OBSL1: variants seen among roughly 807,000 people sequenced by gnomAD.
OBSL1 encodes the protein obscurin like cytoskeletal adaptor 1.
A neutral mutation model predicts 172.0 loss-of-function variants in OBSL1; 160 were observed. The ratio of observed to expected loss-of-function variants is 0.93; its 90% confidence interval spans 0.82 to 1.06. The LOEUF is 1.06. OBSL1 is among the 50% of genes least tolerant of loss of function. The pLI is 0.00. For missense variants in OBSL1, 2,681 were observed against 2,715.4 expected (o/e 0.99, Z 0.28); for synonymous variants, 1,200 against 1,196.3 (o/e 1.00, Z -0.06).
At chr2:219,554,435 C>T in intron 15 of OBSL1, 39 bp downstream of exon 15, 1 of 1,605,026 alleles carries the variant, frequency 6.2e-7, no homozygotes, top group Non-Finnish European at 8.5e-7. Flanking sequence ...AGTAGGGCCA[C>T]ACAGGTCAGC....
Position 219,557,591 on chromosome 2 carries a change from T to G in OBSL1, c.3818A>C (p.Glu1273Ala). Residue 1273 changes from glutamate to alanine, a missense_variant, in exon 12 of 21, where the codon GAG (glutamate) becomes GCG (alanine). Physicochemically the swap from Glu to Ala is moderately radical, Grantham distance 107. Coordinates refer to ENST00000404537, the MANE Select transcript of OBSL1 (RefSeq NM_015311.3). Reference protein sequence around the residue: ...AEPPVRVVAPEAAQTRVRSTP... With the variant: ...AEPPVRVVAPAAAQTRVRSTP... ...GCTCCGAACCCTCGTCTGGGCTGCC[T>G]CGGGAGCTACCACCCGCACAGGGGG... 6.5e-7 allele frequency: 1 copy of G among 1,545,806 alleles called. No homozygotes were observed. Among genetic ancestry groups the G allele is most frequent in the Non-Finnish European group, 8.7e-7 (1 of 1,143,520 alleles).
chr2:219,559,460 C>G lies in OBSL1; in HGVS notation c.2991G>C (p.Val997=). Residue 997 remains valine, a synonymous_variant, in exon 9 of 21, where the codon GTG becomes GTC. Coordinates refer to ENST00000404537, the MANE Select transcript of OBSL1 (RefSeq NM_015311.3). The part of the protein sequence containing the change: ...PVRIIYPRDE[V]TLIAVTLECV... ...ACTCCAAGGTCACGGCGATCAAGGT[C>G]ACCTCATCGCGAGGGTATATGATCC... 1.2e-6 allele frequency: 2 copies of G among 1,613,862 alleles called. No individual in the cohort carries two copies. Among genetic ancestry groups the G allele is most frequent in the Non-Finnish European group, 1.7e-6 (2 of 1,179,828 alleles).
In OBSL1 at chr2:219,568,203, C is replaced by G. The variant is rs755982464; in HGVS notation, c.1134G>C (p.Gln378His). ...CGTACTTGCGGCAGGGCAGCAGCCGCTGGTCCTCACGGAACCAGGCCGTGG... is the reference window on the plus strand; with the variant it reads ...CGTACTTGCGGCAGGGCAGCAGCCGGTGGTCCTCACGGAACCAGGCCGTGG... ...RIPTAWFRED[Q>H]RLLPCRKYEQ... The change falls in exon 2 of 21, where the codon CAG becomes CAC. Residue 378 changes from glutamine (Q) to histidine (H), a missense_variant. Coordinates refer to ENST00000404537, the MANE Select transcript of OBSL1 (RefSeq NM_015311.3). This position sits in a 1 kb window ranked among gnomAD's most constrained non-coding sequence, Gnocchi z 4.1. 2 of 1,613,674 alleles carry G rather than the reference C, an allele frequency of 1.2e-6. No individual in the cohort carries two copies. Among genetic ancestry groups the G allele is most frequent in the Admixed American group, 1.7e-5 (1 of 60,016 alleles).
intron 15 of OBSL1, 107 bp downstream of exon 15, chr2:219,554,367 G>A (rs1695846813): frequency 1.5e-6 from 2 of 1,317,900 alleles, no homozygotes; most frequent in Admixed American, 3.5e-5. Context: ...GCCACACTGA[G>A]ACAGGCATGG....
intron 9 of OBSL1, 64 bp downstream of exon 9, chr2:219,559,161 G>A (rs1400971331): frequency 1.4e-6 from 2 of 1,481,266 alleles, no homozygotes; most frequent in Non-Finnish European, 1.8e-6. Context: ...GTGGGGCTAG[G>A]TGGGTGTCTG....
rs1442984523 is a variant in OBSL1, at chr2:219,552,705, G to C, written c.5147-8C>G. On this transcript the variant is annotated splice_region_variant and splice_polypyrimidine_tract_variant and intron_variant, in intron 17 of 20. Transcript: ENST00000404537. Reference sequence around the variant, plus strand: ...GTACCGCCACAGTACGCTCTGGGGCGGAGCCCGGGGCGTGAGCGGGGCGGG... The same window carrying C: ...GTACCGCCACAGTACGCTCTGGGGCCGAGCCCGGGGCGTGAGCGGGGCGGG... 6.6e-7 allele frequency: 1 copy of C among 1,518,738 alleles called. No homozygotes were observed. The highest frequency in any genetic ancestry group is 8.8e-7 in the Non-Finnish European group (1 of 1,132,370). 94.1% of individuals were successfully genotyped at this position (1,518,738 alleles called of 1,614,324 possible). A position where few individuals can be genotyped will look rare whatever the true frequency, so the allele number is the denominator to read the frequency against.
chr2:219,556,880 A>G (rs1426139876), intron 12 of OBSL1, 157 bp from the exon 13 acceptor site: 8 of 770,974 alleles, frequency 1.0e-5, no homozygotes, highest in Non-Finnish European at 1.4e-5. Context: ...AAAGGACAAG[A>G]TGCCAGCTCC....
At chr2:219,552,832 A>C (rs758680940) in intron 17 of OBSL1, 36 bp downstream of exon 17, 1 of 1,540,262 alleles carries the variant, frequency 6.5e-7, no homozygotes, top group East Asian at 2.5e-5. Context: ...CTCGCGCCCA[A>C]AGCAGTGCCC....
intron 5 of OBSL1, among the ~76,000 whole-genome samples, chr2:219,565,772 G>A (rs35274651): frequency 0.027 from 4,181 of 152,268 alleles, 63 homozygotes; most frequent in African/African-American, 0.036. Context: ...TGGTTCTGAT[G>A]TCAGTGAACT....
At chr2:219,549,168 G>C, downstream of OBSL1, 1 of 1,613,948 alleles carries the variant, frequency 6.2e-7, no homozygotes, top group South Asian at 1.1e-5. Flanking sequence ...TCAGCCGGCA[G>C]CGCCGACGCG....
chr2:219,563,124 C>T (rs1409672331), intron 7 of OBSL1: 12 of 531,998 alleles, frequency 2.3e-5, no homozygotes, highest in Non-Finnish European at 3.6e-5. Context: ...TACAGGTTTT[C>T]AGGAGAATAG....
chr2:219,568,213 C>G lies in OBSL1; in HGVS notation c.1124G>C (p.Arg375Pro). The G allele has an allele frequency of 6.2e-7, 1 of 1,613,626 alleles. No individual in the cohort carries two copies. The highest frequency in any genetic ancestry group is 2.2e-5 in the East Asian group (1 of 44,884). ...GCAGGGCAGCAGCCGCTGGTCCTCA[C>G]GGAACCAGGCCGTGGGGATGCGGGA... The part of the protein sequence containing the change: ...PNSRIPTAWF[R>P]EDQRLLPCRK... Residue 375 changes from arginine (R) to proline (P), a missense_variant, in exon 2 of 21, where the codon CGT becomes CCT. By Grantham distance (103) the Arg-to-Pro change is moderately radical. Around this residue, in one of 5 missense-constraint regions of OBSL1, gnomAD observed 706 missense variants for 695.8 expected, o/e 1.01. Transcript: ENST00000404537. The surrounding 1 kb of genome is among the most constrained non-coding windows in gnomAD (Gnocchi z 4.1).
rs372721220 is a variant in OBSL1 at position 219,570,481 on chromosome 2, G to A, written c.752C>T (p.Ala251Val). The change falls in exon 1 of 21, where the codon GCG (alanine) becomes GTG (valine). Residue 251 changes from alanine to valine, a missense_variant. This residue lies in a region of OBSL1 where 706 missense variants were observed against 695.8 expected (regional missense o/e 1.01). Coordinates refer to ENST00000404537, the MANE Select transcript of OBSL1 (RefSeq NM_015311.3). ...CTCGTTCACCCAGAAGGTCTTAGGC[G>A]CGCACTTGAGCGGCTCCACCACCGG... ...PAPVVEPLKC[A>V]PKTFWVNEGK... 33 of 1,612,472 alleles carry A rather than the reference G, an allele frequency of 2.0e-5. No homozygotes were observed. Among genetic ancestry groups the A allele is most frequent in the Non-Finnish European group, 1.6e-5 (19 of 1,179,498 alleles).
chr2:219,550,700 C>G, downstream of OBSL1: 2 of 1,234,372 alleles, frequency 1.6e-6, no homozygotes, highest in South Asian at 2.8e-5. Context: ...AGGTCTGCCC[C>G]CCCACATCAC....
At chr2:219,565,187 T>C in intron 6 of OBSL1, 55 bp downstream of exon 6, 1 of 1,531,492 alleles carries the variant, frequency 6.5e-7, no homozygotes, top group South Asian at 1.2e-5. Context: ...GCATGGCTTA[T>C]GCGGCCCCAC....
rs752409970 is a variant in OBSL1 at position 219,558,004 on chromosome 2, G to C, written c.3609C>G (p.Pro1203=). The C allele has an allele frequency of 8.7e-6, 14 of 1,612,346 alleles. No homozygotes were observed. The highest frequency in any genetic ancestry group is 2.2e-5 in the East Asian group (1 of 44,842). The change falls in exon 11 of 21, where the codon CCC becomes CCG. Residue 1203 remains proline (P), a synonymous_variant. Coordinates refer to ENST00000404537, the MANE Select transcript of OBSL1 (RefSeq NM_015311.3). The part of the protein sequence containing the change: ...LSCELSRAGA[P]VVWSHNGRPV... ...GCCTCCCATTGTGGCTCCAGACCAC[G>C]GGGGCGCCAGCCCGGGACAGTTCAC...
At chr2:219,560,614 G>T (rs1301095774) in intron 8 of OBSL1, among the ~76,000 whole-genome samples, 1 of 152,152 alleles carries the variant, frequency 6.6e-6, no homozygotes, top group Non-Finnish European at 1.5e-5. Context: ...CAGGGTTGGG[G>T]GGGTGGGGGC....
At chr2:219,547,527 T>C, downstream of OBSL1, 1 of 1,452,482 alleles carries the variant, frequency 6.9e-7, no homozygotes. Context: ...TTCAAGGCAG[T>C]GCTCTTTCTC....
At chr2:219,553,518 G>T in intron 16 of OBSL1, 56 bp downstream of exon 16, 2 of 1,211,440 alleles carry the variant, frequency 1.7e-6, no homozygotes, top group Non-Finnish European at 2.4e-6. Flanking sequence ...TCTGTCTGGG[G>T]CATTATTATC....
Sources: gnomAD v4.1 joint callset for allele counts (sites outside exome capture counted in the v4.1 genomes callset) on GRCh38, gnomAD v4.1.1 for gene constraint, gnomAD v4.1.1 regional missense constraint, Gnocchi (gnomAD v3.1) non-coding constraint, MANE v1.5 for transcripts, NCBI Gene and HGNC (gene_info 2026-07-23, HGNC 2026-07-21) for gene names.